IQGAP2: variants seen among roughly 807,000 people sequenced by gnomAD.
IQGAP2 encodes IQ motif containing GTPase activating protein 2, also known as ras GTPase-activating-like protein IQGAP2.
Under a neutral mutation model 201.3 loss-of-function variants are expected in IQGAP2, and 173 were observed. That is an observed-to-expected ratio of 0.86 (90% CI 0.76 to 0.98). The LOEUF (loss-of-function observed/expected upper bound fraction) is 0.98. Among genes scored for constraint, IQGAP2 ranks in the 50% least tolerant of loss-of-function variants. The pLI is 0.00. For synonymous variants in IQGAP2, 675 were observed against 673.9 expected, an observed-to-expected ratio of 1.00 and a Z score of -0.03; for missense variants, 1,687 against 1,864.8, an observed-to-expected ratio of 0.90 and a Z score of 1.76.
chr5:76,433,804 C>G (rs545936891), intron 1 of IQGAP2, among the ~76,000 whole-genome samples: 1 of 152,138 alleles, frequency 6.6e-6, no homozygotes, highest in Non-Finnish European at 1.5e-5. Flanking sequence ...TATTTTATGT[C>G]ACGGCTGATT....
At chr5:76,578,322 T>TA (rs1288367393) in intron 5 of IQGAP2, among the ~76,000 whole-genome samples, 1 of 150,780 alleles carries the variant, frequency 6.6e-6, no homozygotes. Flanking sequence ...ATGGCATCTT[T>TA]TTTTTTTTTG....
Position 76,665,006 on chromosome 5 carries a change from T to C in IQGAP2, c.2530-20T>C. The C allele has an allele frequency of 7.2e-7, 1 of 1,385,958 alleles. No individual in the cohort carries two copies. The highest frequency in any genetic ancestry group is 1.0e-6 in the Non-Finnish European group (1 of 980,254). The allele number at this position is 1,385,958 out of a possible 1,614,324, so 85.9% of individuals were successfully genotyped here. On this transcript the variant is annotated intron_variant, in intron 21 of 35. Coordinates refer to ENST00000274364, the MANE Select transcript of IQGAP2 (RefSeq NM_006633.5). ...GAGTATGAGAATTAAAAAGGAGTAA[T>C]CTCATCAAATTTTTTACAGGATGTA...
intron 17 of IQGAP2, among the ~76,000 whole-genome samples, chr5:76,641,780 T>C (rs1751609147): frequency 6.6e-6 from 1 of 152,118 alleles, no homozygotes; most frequent in Admixed American, 6.6e-5. Context: ...TTCAAAGGGG[T>C]ATTATTAACA....
chr5:76,528,848 T>C (rs1759123001), intron 2 of IQGAP2, among the ~76,000 whole-genome samples: 1 of 152,206 alleles, frequency 6.6e-6, no homozygotes, highest in Non-Finnish European at 1.5e-5. Flanking sequence ...TCTTTGCTTT[T>C]TAAAGGAATT....
chr5:76,632,057 A>G lies in IQGAP2; in HGVS notation c.1780+31A>G, dbSNP rs771139653. 9.2e-6 allele frequency: 14 copies of G among 1,515,978 alleles called. No homozygotes were observed. In the African/African-American group the frequency reaches 2.0e-4, roughly 21 times the overall value. The allele number at this position is 1,515,978 out of a possible 1,614,324, so 93.9% of individuals were successfully genotyped here. A position where few individuals can be genotyped will look rare whatever the true frequency, so the allele number is the denominator to read the frequency against. On this transcript the variant is annotated intron_variant, in intron 15 of 35. Transcript: ENST00000274364. ...TTGGTTTGTTACTTTAGCACAAACT[A>G]AGTATTTTAAATATCATTTCTGTGG...
intron 2 of IQGAP2, among the ~76,000 whole-genome samples, chr5:76,484,550 A>G (rs558499818): frequency 1.3e-3 from 205 of 152,268 alleles, no homozygotes; most frequent in African/African-American, 4.7e-3. Flanking sequence ...TCGGGCTATG[A>G]AGCACTTTTC....
At chr5:76,414,671 A>T (rs1751318582) in intron 1 of IQGAP2, among the ~76,000 whole-genome samples, 1 of 152,228 alleles carries the variant, frequency 6.6e-6, no homozygotes, top group Admixed American at 6.5e-5. Context: ...ACAAAATAAA[A>T]AATGAATATA....
intron 17 of IQGAP2, among the ~76,000 whole-genome samples, chr5:76,647,887 A>G (rs429703): frequency 0.52 from 78,002 of 151,446 alleles, 20,456 homozygotes; most frequent in Non-Finnish European, 0.57. Flanking sequence ...CCTAGGCAGC[A>G]AAGCCTGAAT....
At chr5:76,620,695 A>G (rs1749568158) in intron 13 of IQGAP2, among the ~76,000 whole-genome samples, 1 of 152,056 alleles carries the variant, frequency 6.6e-6, no homozygotes, top group South Asian at 2.1e-4. Context: ...GCCTAGGGGG[A>G]GTTATGAGAA....
chr5:76,419,865 C>T (rs1330563451), intron 1 of IQGAP2, among the ~76,000 whole-genome samples: 1 of 152,142 alleles, frequency 6.6e-6, no homozygotes, highest in Admixed American at 6.5e-5. Context: ...AGACATTCTT[C>T]TCTCCAGCTT....
intron 1 of IQGAP2, among the ~76,000 whole-genome samples, chr5:76,450,582 T>C (rs1428383298): frequency 6.6e-6 from 1 of 152,200 alleles, no homozygotes; most frequent in Non-Finnish European, 1.5e-5. Flanking sequence ...TATGAGAGAA[T>C]TTATGTGGTA....
At chr5:76,540,904 A>G (rs1742725598) in intron 2 of IQGAP2, among the ~76,000 whole-genome samples, 2 of 152,240 alleles carry the variant, frequency 1.3e-5, no homozygotes, top group African/African-American at 4.8e-5. Context: ...ATGTCGAATG[A>G]GTGATAGTGC....
At chr5:76,601,323 C>T (rs961555083) in intron 11 of IQGAP2, among the ~76,000 whole-genome samples, 4 of 152,220 alleles carry the variant, frequency 2.6e-5, no homozygotes, top group African/African-American at 9.6e-5. Flanking sequence ...TAATAATCAT[C>T]CAGTCCAATT....
chr5:76,607,206 A>G (rs1427219190), intron 12 of IQGAP2: 1 of 152,208 alleles, frequency 6.6e-6, no homozygotes, highest in African/African-American at 2.4e-5. Flanking sequence ...CTAATGCTGT[A>G]TTTAACTTAG....
In IQGAP2 at chr5:76,637,993, T is replaced by C. The variant is rs540085491; in HGVS notation, c.1923+817T>C. Among the ~76,000 whole-genome samples, 4 of 152,338 alleles carry C rather than the reference T, an allele frequency of 2.6e-5. No homozygotes were observed. The East Asian group carries it at 7.7e-4, about 29-fold the overall frequency. On this transcript the variant is annotated intron_variant, in intron 16 of 35. Transcript: ENST00000274364. ...ACCAGATTTTACTTATTGAAAGCAATTTGTCCCTCCTCTCATCTCTTTTTA... is the reference window on the plus strand; with the variant it reads ...ACCAGATTTTACTTATTGAAAGCAACTTGTCCCTCCTCTCATCTCTTTTTA...
intron 2 of IQGAP2, among the ~76,000 whole-genome samples, chr5:76,561,241 G>A (rs1018105770): frequency 7.9e-5 from 12 of 152,078 alleles, no homozygotes; most frequent in African/African-American, 4.8e-5. Flanking sequence ...GGATAAGGGG[G>A]GTCTACTGGA....
Position 76,695,576 on chromosome 5 carries a change from G to A in IQGAP2, c.4116G>A (p.Arg1372=), listed in dbSNP as rs771460802. 1 of 1,614,172 alleles carries A rather than the reference G, an allele frequency of 6.2e-7. No individual in the cohort carries two copies. Among genetic ancestry groups the A allele is most frequent in the Non-Finnish European group, 8.5e-7 (1 of 1,180,026 alleles). Residue 1372 remains arginine, a synonymous_variant, in exon 32 of 36, where the codon AGG becomes AGA. Transcript: ENST00000274364. ...DAQLPLEQKK[R]KIQRNLRTLE... ...AGCTGCCTCTTGAGCAGAAGAAGAGGAAAATCCAGAGGAATCTTCGGACGT... is the reference window on the plus strand; with the variant it reads ...AGCTGCCTCTTGAGCAGAAGAAGAGAAAAATCCAGAGGAATCTTCGGACGT...
At chr5:76,597,869 G>A (rs1747149736) in intron 10 of IQGAP2, among the ~76,000 whole-genome samples, 1 of 152,158 alleles carries the variant, frequency 6.6e-6, no homozygotes, top group African/African-American at 2.4e-5. Context: ...CTTATTTTCT[G>A]TGTGATATTT....
chr5:76,582,088 T>C (rs1006537600), intron 5 of IQGAP2, among the ~76,000 whole-genome samples: 3 of 152,226 alleles, frequency 2.0e-5, no homozygotes, highest in Non-Finnish European at 4.4e-5. Context: ...TCACTATTAT[T>C]ACTCCCATTT....
Sources: allele counts gnomAD v4.1 joint callset (sites outside exome capture counted in the v4.1 genomes callset), GRCh38; gene constraint gnomAD v4.1.1; transcripts MANE v1.5; gene names NCBI Gene and HGNC (gene_info 2026-07-23, HGNC 2026-07-21).